Variants in UQCC2 observed in about 807,000 individuals in gnomAD.
The protein encoded by UQCC2 is ubiquinol-cytochrome c reductase complex assembly factor 2.
Under a neutral mutation model 19.9 loss-of-function variants are expected in UQCC2, and 21 were observed. The observed-to-expected ratio is 1.05, with a 90% CI of 0.75 to 1.52. The LOEUF is 1.52. Among genes scored for constraint, UQCC2 ranks in the 40% most tolerant of loss-of-function variants. The pLI is 0.00. For synonymous variants in UQCC2, 57 were observed against 60.9 expected (o/e 0.94, Z 0.30); for missense variants, 135 against 157.5 (o/e 0.86, Z 0.76).
chr6:33,711,169 C>T (rs559866108), intron 1 of UQCC2, among the ~76,000 whole-genome samples: 2 of 152,272 alleles, frequency 1.3e-5, no homozygotes, highest in African/African-American at 2.4e-5. Context: ...AGAGATTCTG[C>T]ATTTGAAGTT....
At chr6:33,706,398 G>A (rs764964863) in intron 1 of UQCC2, among the ~76,000 whole-genome samples, 61 of 152,186 alleles carry the variant, frequency 4.0e-4, no homozygotes, top group Admixed American at 1.4e-3. Context: ...CCACAAAGAC[G>A]ACGACCCAGG....
intron 1 of UQCC2, among the ~76,000 whole-genome samples, chr6:33,706,655 G>C (rs758615113): frequency 6.6e-5 from 10 of 152,180 alleles, no homozygotes; most frequent in Non-Finnish European, 1.3e-4. Context: ...GTGACACAGG[G>C]ACCAGAAATG....
intron 1 of UQCC2, among the ~76,000 whole-genome samples, chr6:33,708,814 TGC>T (rs1765731369): frequency 6.6e-6 from 1 of 152,210 alleles, no homozygotes; most frequent in African/African-American, 2.4e-5. Flanking sequence ...AGCAAGGAAT[TGC>T]GCCCTTCAAA....
In UQCC2 at chr6:33,697,761, G is replaced by A; in HGVS notation, c.284-11C>T. The A allele has an allele frequency of 1.2e-6, 2 of 1,605,490 alleles. No individual in the cohort carries two copies. The highest frequency in any genetic ancestry group is 8.5e-7 in the Non-Finnish European group (1 of 1,175,542). ...GCTCTTCCAAGGTGTCTGCAAAAGGGGAAGACAAAAAGAGAGAGGGACTGA... is the reference window on the plus strand; with the variant it reads ...GCTCTTCCAAGGTGTCTGCAAAAGGAGAAGACAAAAAGAGAGAGGGACTGA... On this transcript the variant is annotated splice_polypyrimidine_tract_variant and intron_variant, in intron 3 of 3. Transcript: ENST00000607484.
At chr6:33,700,205 T>G (rs773788751) in intron 3 of UQCC2, among the ~76,000 whole-genome samples, 40 of 152,254 alleles carry the variant, frequency 2.6e-4, no homozygotes, top group Non-Finnish European at 3.1e-4. Context: ...CTCTGTTCCC[T>G]GATGCCCAGC....
intron 3 of UQCC2, 80 bp from the exon 4 acceptor site, chr6:33,697,830 C>G (rs566613763): frequency 8.6e-7 from 1 of 1,157,982 alleles, no homozygotes; most frequent in African/African-American, 1.5e-5. Context: ...TGGGCTTTCC[C>G]GACACAAGCA....
rs1765626378 is a variant in UQCC2, at chr6:33,700,506, C to T, written c.221G>A (p.Arg74His). 2.5e-6 allele frequency: 4 copies of T among 1,613,960 alleles called. No homozygotes were observed. Among genetic ancestry groups the T allele is most frequent in the Non-Finnish European group, 3.4e-6 (4 of 1,180,006 alleles). The change falls in exon 3 of 4, where the codon CGC becomes CAC. Residue 74 changes from arginine to histidine, a missense_variant. Arg to His is a conservative substitution (Grantham distance 29). Transcript: ENST00000607484. ...HSNYYKHKYP[R>H]PRDTSFSGLS... ...GCCACTGAAGCTGGTGTCTCTGGGG[C>T]GAGGGTACTGGTCACCGGGGCAGAA... is the stretch of plus-strand genomic sequence containing the variant.
chr6:33,710,626 C>A (rs144155852), intron 1 of UQCC2, among the ~76,000 whole-genome samples: 3 of 152,346 alleles, frequency 2.0e-5, no homozygotes, highest in African/African-American at 7.2e-5. Context: ...CCACTAATAA[C>A]ATTACCCTTT....
At position 33,697,516 on chromosome 6, in the gene UQCC2, C is replaced by T. The variant is rs1582177349; in HGVS notation, c.*137G>A. ...TCTCAGGCTGAAACTTTCTTTAGAGCAGCAAGGGCTTCCTTTCTGGGAAAG... is the reference window on the plus strand; with the variant it reads ...TCTCAGGCTGAAACTTTCTTTAGAGTAGCAAGGGCTTCCTTTCTGGGAAAG... On this transcript the variant is annotated 3_prime_UTR_variant, in exon 4 of 4. Transcript: ENST00000607484. 1 of 636,478 alleles carries T rather than the reference C, an allele frequency of 1.6e-6. No homozygotes were observed. The highest frequency in any genetic ancestry group is 2.8e-5 in the East Asian group (1 of 36,138). The allele number at this position is 636,478 out of a possible 1,614,324, so 39.4% of individuals were successfully genotyped here. A position where few individuals can be genotyped will look rare whatever the true frequency, so the allele number is the denominator to read the frequency against.
intron 3 of UQCC2, among the ~76,000 whole-genome samples, chr6:33,700,056 T>C (rs956604267): frequency 2.0e-4 from 31 of 152,282 alleles, no homozygotes; most frequent in South Asian, 1.0e-3. Context: ...TAGGCGGATA[T>C]CCCCAAACAC....
chr6:33,708,449 C>T (rs948846115), intron 1 of UQCC2, among the ~76,000 whole-genome samples: 3 of 152,148 alleles, frequency 2.0e-5, no homozygotes, highest in East Asian at 1.9e-4. Flanking sequence ...TAATGGCTAC[C>T]ACTCAGCTGT....
At chr6:33,710,531 T>C (rs1765754072) in intron 1 of UQCC2, among the ~76,000 whole-genome samples, 1 of 152,232 alleles carries the variant, frequency 6.6e-6, no homozygotes. Context: ...GTGCAGTGTC[T>C]GGAATGTCCT....
chr6:33,703,191 C>T (rs1445955486), intron 1 of UQCC2, among the ~76,000 whole-genome samples: 3 of 152,176 alleles, frequency 2.0e-5, no homozygotes, highest in East Asian at 3.8e-4. Flanking sequence ...CAGCAGGGCA[C>T]GCACAGCCAA....
At position 33,701,377 on chromosome 6, in the gene UQCC2, G is replaced by A. The variant is rs531733294; in HGVS notation, c.182C>T (p.Ala61Val). ...EACDQMYESL[A>V]RLHSNYYKHK... ...TTTGTAGTAGTTTGAATGGAGTCGC[G>A]CTAAGCTCTCGTACATCTGATCACA... Residue 61 changes from alanine to valine, a missense_variant, in exon 2 of 4, where the codon GCG (alanine) becomes GTG (valine). Physicochemically the swap from Ala to Val is moderately conservative, Grantham distance 64. Transcript: ENST00000607484. 4.2e-5 allele frequency: 67 copies of A among 1,613,660 alleles called. No individual in the cohort carries two copies. Among genetic ancestry groups the A allele is most frequent in the South Asian group, 1.9e-4 (17 of 90,946 alleles).
intron 1 of UQCC2, among the ~76,000 whole-genome samples, chr6:33,703,686 A>G (rs2127335389): frequency 6.6e-6 from 1 of 152,250 alleles, no homozygotes; most frequent in Non-Finnish European, 1.5e-5. Flanking sequence ...GTACATACAT[A>G]TCCTTCTTCT....
chr6:33,709,500 C>G (rs1057409981), intron 1 of UQCC2, among the ~76,000 whole-genome samples: 1 of 152,094 alleles, frequency 6.6e-6, no homozygotes, highest in Non-Finnish European at 1.5e-5. Context: ...TTTCAGGAAG[C>G]TCATACTAAA....
intron 1 of UQCC2, among the ~76,000 whole-genome samples, chr6:33,702,519 T>C (rs993184406): frequency 3.9e-5 from 6 of 152,202 alleles, no homozygotes; most frequent in African/African-American, 1.4e-4. Context: ...CACTGAGGCC[T>C]TGCCATAGAA....
At chr6:33,703,141 T>A (rs1419573542) in intron 1 of UQCC2, among the ~76,000 whole-genome samples, 1 of 152,216 alleles carries the variant, frequency 6.6e-6, no homozygotes, top group Admixed American at 6.5e-5. Context: ...TAGAATGGAA[T>A]TCTGCACACA....
At chr6:33,701,306 G>T in intron 2 of UQCC2, 40 bp downstream of exon 2, 1 of 1,571,106 alleles carries the variant, frequency 6.4e-7, no homozygotes, top group Non-Finnish European at 8.6e-7. Context: ...TAGTTGTCCC[G>T]TCAGAAAGCT....
Sources: gnomAD v4.1 joint callset for allele counts (sites outside exome capture counted in the v4.1 genomes callset) on GRCh38, gnomAD v4.1.1 for gene constraint, MANE v1.5 for transcripts, NCBI Gene and HGNC (gene_info 2026-07-23, HGNC 2026-07-21) for gene names.